XG: variants seen among roughly 807,000 people sequenced by gnomAD.
The protein encoded by XG is Xg glycoprotein (Xg blood group), also known as glycoprotein Xg.
XG carries 24 observed loss-of-function variants against 25.7 expected under a neutral mutation model. The observed-to-expected ratio is 0.93, with a 90% CI of 0.68 to 1.31. The LOEUF is 1.31. XG is among the 40% of genes most tolerant of loss of function. The pLI, the probability that XG is intolerant of heterozygous loss-of-function variation, is 0.00. For synonymous variants in XG, 77 were observed against 69.2 expected (o/e 1.11, Z -0.56); for missense variants, 181 against 187.6 (o/e 0.96, Z 0.21).
At chrX:2,784,269 T>G (rs2086762712) in intron 4 of XG, among the ~76,000 whole-genome samples, 1 of 110,706 alleles carries the variant, frequency 9.0e-6, no homozygotes, top group Admixed American at 9.6e-5. Flanking sequence ...TGGGCTTCCC[T>G]CCCAGAGAAT....
intron 1 of XG, among the ~76,000 whole-genome samples, chrX:2,769,031 C>T (rs187792182): frequency 1.3e-4 from 20 of 152,298 alleles, no homozygotes; most frequent in African/African-American, 4.3e-4. Flanking sequence ...TCAGAGTTCC[C>T]CTTCCCTCCA....
At chrX:2,778,918 C>T (rs1454717578) in intron 3 of XG, among the ~76,000 whole-genome samples, 5 of 151,918 alleles carry the variant, frequency 3.3e-5, no homozygotes, top group Admixed American at 1.3e-4. Context: ...TGTGCCACCA[C>T]GCCTGGCTAA....
chrX:2,753,022 C>T (rs2124384123), intron 1 of XG: 1 of 973,762 alleles, frequency 1.0e-6, no homozygotes, highest in South Asian at 4.8e-5. Context: ...TGGTCATTTT[C>T]ATGTGGCGAT....
chrX:2,782,664 C>G (rs753017177), intron 4 of XG, among the ~76,000 whole-genome samples: 2 of 110,947 alleles, frequency 1.8e-5, no homozygotes, highest in East Asian at 2.8e-4. Context: ...GCCAGATTAC[C>G]GGGCTGAGTG....
At chrX:2,781,075 T>C (rs867598778) in intron 3 of XG, among the ~76,000 whole-genome samples, 38 of 151,826 alleles carry the variant, frequency 2.5e-4, no homozygotes, top group Middle Eastern at 3.4e-3. Flanking sequence ...GCAGGCCAGG[T>C]CTCACTAACA....
intron 6 of XG, among the ~76,000 whole-genome samples, chrX:2,795,613 T>A (rs2086878166): frequency 9.0e-6 from 1 of 110,790 alleles, no homozygotes; most frequent in Non-Finnish European, 1.9e-5. Context: ...TATATCTTTA[T>A]ATAGGTATAT....
At position 2,814,566 on chromosome X, in the gene XG, A is replaced by G. The variant is rs1388240241; in HGVS notation, c.*186A>G. The G allele has an allele frequency of 1.9e-5, 10 of 514,089 alleles. No homozygotes were observed. The highest frequency in any genetic ancestry group is 2.7e-5 in the Non-Finnish European group (9 of 335,920). 42.4% of individuals were successfully genotyped at this position (514,089 alleles called of 1,213,427 possible). A position where few individuals can be genotyped will look rare whatever the true frequency, so the allele number is the denominator to read the frequency against. On this transcript the variant is annotated 3_prime_UTR_variant, in exon 11 of 11. Coordinates refer to ENST00000644266, the MANE Select transcript of XG (RefSeq NM_001141919.2). The stretch of plus-strand genomic sequence containing the variant: ...ACTCATTGAATGTGATGTGGTTATA[A>G]AGATAAGTTAGGCAGCTAGACCCTG...
intron 1 of XG, among the ~76,000 whole-genome samples, chrX:2,766,487 G>A (rs962593880): frequency 1.9e-5 from 2 of 104,688 alleles, no homozygotes; most frequent in African/African-American, 9.6e-5. Context: ...GTATGGGGCT[G>A]GGAGCTTCTC....
intron 2 of XG, among the ~76,000 whole-genome samples, chrX:2,771,028 CT>C (rs1473870949): frequency 6.6e-6 from 1 of 151,680 alleles, no homozygotes; most frequent in Non-Finnish European, 1.5e-5. Flanking sequence ...TTTCTTTTTT[CT>C]TTTTTGTAGA....
intron 4 of XG, among the ~76,000 whole-genome samples, chrX:2,783,011 G>C (rs370406955): frequency 8.8e-4 from 98 of 111,439 alleles, no homozygotes; most frequent in Non-Finnish European, 3.8e-4. Flanking sequence ...AAGCAAGATG[G>C]AGTTGGTTAG....
At chrX:2,785,993 C>T (rs750087060) in intron 4 of XG, among the ~76,000 whole-genome samples, 1 of 110,689 alleles carries the variant, frequency 9.0e-6, no homozygotes, top group East Asian at 2.8e-4. Flanking sequence ...AAGTATTTAC[C>T]ACACACCAGC....
At chrX:2,760,473 T>C (rs1165054975) in intron 1 of XG, among the ~76,000 whole-genome samples, 3 of 151,376 alleles carry the variant, frequency 2.0e-5, no homozygotes, top group African/African-American at 4.9e-5. Flanking sequence ...CGGTGGCTCA[T>C]GCCTGTAATC....
rs747787528 is a variant in XG at position 2,766,551 on chromosome X, T to A, written c.62-3999T>A. Among the ~76,000 whole-genome samples, 6 of 136,156 alleles carry A rather than the reference T, an allele frequency of 4.4e-5. No homozygotes were observed. The East Asian group carries it at 1.3e-3, about 29-fold the overall frequency. 89.3% of individuals were successfully genotyped at this position (136,156 alleles called of 152,430 possible). Reference sequence around the variant, plus strand: ...CAAGGCAGGTCAGGGAATTTCCTTATGGCCACTTTTTTTTTTTTTTTTTTT... The same window carrying A: ...CAAGGCAGGTCAGGGAATTTCCTTAAGGCCACTTTTTTTTTTTTTTTTTTT... On this transcript the variant is annotated intron_variant, in intron 1 of 10. Transcript: ENST00000644266.
intron 1 of XG, among the ~76,000 whole-genome samples, chrX:2,762,277 G>A (rs1354466738): frequency 6.6e-6 from 1 of 152,154 alleles, no homozygotes; most frequent in Non-Finnish European, 1.5e-5. Flanking sequence ...CAGACACTGA[G>A]GCCTGAATTC....
At chrX:2,794,717 C>A in intron 6 of XG, 114 bp downstream of exon 6, 2 of 869,874 alleles carry the variant, frequency 2.3e-6, no homozygotes, top group Non-Finnish European at 3.2e-6. Flanking sequence ...TGGTGACGAG[C>A]AGACGATAAG....
At chrX:2,771,506 A>C (rs2050819112) in intron 2 of XG, among the ~76,000 whole-genome samples, 1 of 152,220 alleles carries the variant, frequency 6.6e-6, no homozygotes, top group Non-Finnish European at 1.5e-5. Context: ...TGGGCCCTGC[A>C]GAAAGTCCTG....
At chrX:2,795,497 TTA>T (rs959575659) in intron 6 of XG, among the ~76,000 whole-genome samples, 40 of 92,714 alleles carry the variant, frequency 4.3e-4, no homozygotes, top group Admixed American at 4.1e-3. Context: ...GTGTATATCT[TTA>T]TATGTGTGTA....
intron 1 of XG, among the ~76,000 whole-genome samples, chrX:2,766,507 G>A (rs1399644786): frequency 2.7e-5 from 4 of 150,746 alleles, no homozygotes; most frequent in Non-Finnish European, 5.9e-5. Context: ...CTGGGATGGG[G>A]GGTCTTAGGA....
At chrX:2,794,462 C>T in intron 5 of XG, 73 bp from the exon 6 acceptor site, 2 of 1,109,684 alleles carry the variant, frequency 1.8e-6, no homozygotes, top group Non-Finnish European at 2.4e-6. Context: ...TGCCAGTGCC[C>T]CCAGCGCAGA....
Sources: gnomAD v4.1 joint callset for allele counts (sites outside exome capture counted in the v4.1 genomes callset) on GRCh38, gnomAD v4.1.1 for gene constraint, MANE v1.5 for transcripts, NCBI Gene and HGNC (gene_info 2026-07-23, HGNC 2026-07-21) for gene names.